The following ASB5 variants were observed in gnomAD, a reference collection of about 807,000 sequenced individuals.
ASB5 encodes the protein ankyrin repeat and SOCS box protein 5.
A neutral mutation model predicts 42.1 loss-of-function variants in ASB5; 45 were observed. The observed-to-expected ratio is 1.07, with a 90% confidence interval of 0.84 to 1.37. ASB5 has a LOEUF of 1.37. Among genes scored for constraint, ASB5 ranks in the 40% most tolerant of loss-of-function variants. The pLI, the probability that ASB5 is intolerant of heterozygous loss-of-function variation, is 0.00. For synonymous variants in ASB5, 147 were observed against 150.6 expected (o/e 0.98, Z 0.18); for missense variants, 402 against 399.8 (o/e 1.01, Z -0.05).
In ASB5 at chr4:176,215,726, A is replaced by G; in HGVS notation, c.864T>C (p.Ala288=). The change falls in exon 7 of 7, where the codon GCT becomes GCC. Residue 288 remains alanine (A), a splice_region_variant and synonymous_variant. Transcript: ENST00000296525. Reference sequence around the variant, plus strand: ...AAAGTTGGTAAAGAGAGCTTGGGGTAGCTACAAGAAGACATGAATCTATTT... The same window carrying G: ...AAAGTTGGTAAAGAGAGCTTGGGGTGGCTACAAGAAGACATGAATCTATTT... ...MVERILLQHE[A]TPSSLYQLCR... The G allele has an allele frequency of 6.2e-7, 1 of 1,607,462 alleles. No homozygotes were observed. The highest frequency in any genetic ancestry group is 8.5e-7 in the Non-Finnish European group (1 of 1,177,370).
upstream of ASB5, among the ~76,000 whole-genome samples, chr4:176,273,129 C>T (rs1367003939): frequency 6.6e-6 from 1 of 151,888 alleles, no homozygotes; most frequent in Non-Finnish European, 1.5e-5. Flanking sequence ...AAAAAAATGT[C>T]TGGTAGACAT....
intron 5 of ASB5, 130 bp downstream of exon 5, chr4:176,221,025 C>A (rs1264318590): frequency 1.6e-5 from 19 of 1,172,748 alleles, no homozygotes; most frequent in Non-Finnish European, 2.2e-5. Context: ...GTTCTCTATT[C>A]ATGTGTGAAA....
At chr4:176,215,790 T>C in intron 6 of ASB5, 63 bp from the exon 7 acceptor site, 3 of 1,480,142 alleles carry the variant, frequency 2.0e-6, no homozygotes, top group African/African-American at 1.4e-5. Flanking sequence ...TGTTGTAAGG[T>C]ACATAACATA....
chr4:176,276,205 C>A (rs1019233731), intron 1 of ASB5, among the ~76,000 whole-genome samples: 2 of 152,154 alleles, frequency 1.3e-5, no homozygotes, highest in Non-Finnish European at 2.9e-5. Context: ...ATGAAGCACT[C>A]ACTCGCCTGC....
intron 1 of ASB5, chr4:176,241,435 C>T (rs1170361175): frequency 2.7e-6 from 4 of 1,507,520 alleles, no homozygotes; most frequent in Non-Finnish European, 3.6e-6. Context: ...TAAATCATCA[C>T]AGAGAAATCC....
chr4:176,242,043 C>T (rs1046664998), intron 1 of ASB5, among the ~76,000 whole-genome samples: 1 of 152,182 alleles, frequency 6.6e-6, no homozygotes, highest in East Asian at 1.9e-4. Context: ...GCTTTACCTC[C>T]GCATGTTGCT....
chr4:176,276,733 G>A (rs1158438163), intron 1 of ASB5, among the ~76,000 whole-genome samples: 2 of 152,114 alleles, frequency 1.3e-5, no homozygotes, highest in South Asian at 2.1e-4. Context: ...AGATGTGATC[G>A]TGGCAATGAT....
upstream of ASB5, among the ~76,000 whole-genome samples, chr4:176,272,319 G>A (rs1044508191): frequency 2.6e-5 from 4 of 152,234 alleles, no homozygotes; most frequent in South Asian, 2.1e-4. Flanking sequence ...GGCAAAAATC[G>A]CAGTTATTTT....
At chr4:176,263,427 A>G (rs776611459) in intron 1 of ASB5, among the ~76,000 whole-genome samples, 12 of 152,176 alleles carry the variant, frequency 7.9e-5, no homozygotes, top group Non-Finnish European at 1.6e-4. Context: ...TTGCAGGATT[A>G]TAATGGTTTC....
intron 1 of ASB5, among the ~76,000 whole-genome samples, chr4:176,257,486 A>G (rs1356184278): frequency 1.3e-5 from 2 of 152,178 alleles, no homozygotes; most frequent in African/African-American, 4.8e-5. Flanking sequence ...TCCTGGTCAC[A>G]CTAGCCAAAC....
chr4:176,271,056 TG>T (rs1394226471), upstream of ASB5, among the ~76,000 whole-genome samples: 1 of 152,230 alleles, frequency 6.6e-6, no homozygotes, highest in Non-Finnish European at 1.5e-5. Context: ...TCACTAAGGC[TG>T]GAATCATCGG....
At chr4:176,252,427 C>T (rs1477885408) in intron 1 of ASB5, among the ~76,000 whole-genome samples, 4 of 152,210 alleles carry the variant, frequency 2.6e-5, no homozygotes, top group Non-Finnish European at 5.9e-5. Context: ...TTTGAGTCCC[C>T]TCACTTTCTC....
At chr4:176,232,186 G>T (rs928343190) in intron 1 of ASB5, among the ~76,000 whole-genome samples, 12 of 150,238 alleles carry the variant, frequency 8.0e-5, no homozygotes, top group Non-Finnish European at 1.6e-4. Flanking sequence ...GCAATGGTGC[G>T]ATCTCGGCTC....
intron 1 of ASB5, among the ~76,000 whole-genome samples, chr4:176,235,213 T>A (rs984610245): frequency 4.9e-4 from 74 of 152,300 alleles, no homozygotes; most frequent in African/African-American, 1.8e-3. Context: ...ATAATAATAG[T>A]ATATTTGAAA....
chr4:176,221,717 A>G, intron 3 of ASB5, 117 bp from the exon 4 acceptor site: 1 of 989,096 alleles, frequency 1.0e-6, no homozygotes, highest in Admixed American at 3.2e-5. Flanking sequence ...AAATGTGCAC[A>G]TTAAATATGA....
chr4:176,270,389 G>T (rs970810342), upstream of ASB5, among the ~76,000 whole-genome samples: 1 of 152,154 alleles, frequency 6.6e-6, no homozygotes, highest in Non-Finnish European at 1.5e-5. Context: ...CTCCCTCGGT[G>T]TATCCATTTT....
rs1422720302 is a variant in ASB5 at position 176,235,498 on chromosome 4, A to C, written c.197-10157T>G. Among the ~76,000 whole-genome samples, 3 of 152,300 alleles carry C rather than the reference A, an allele frequency of 2.0e-5. No homozygotes were observed. The East Asian group carries it at 5.8e-4, about 29-fold the overall frequency. On this transcript the variant is annotated intron_variant, in intron 1 of 6. Coordinates refer to ENST00000296525, the MANE Select transcript of ASB5 (RefSeq NM_080874.4). ...GTCATTGTTCTATGTGAAAAAATAT[A>C]GTTCTACCACAAGTGATTATGATAT...
At chr4:176,245,405 T>C (rs1252814692) in intron 1 of ASB5, among the ~76,000 whole-genome samples, 1 of 152,180 alleles carries the variant, frequency 6.6e-6, no homozygotes, top group Non-Finnish European at 1.5e-5. Flanking sequence ...CAACAGGTGC[T>C]GGAGAGGATG....
In ASB5 at chr4:176,215,605, G is replaced by C. The variant is rs534160855; in HGVS notation, c.985C>G (p.Arg329Gly). Residue 329 changes from arginine to glycine, a missense_variant, in exon 7 of 7, where the codon CGA (arginine) becomes GGA (glycine). Transcript: ENST00000296525. ...TTTAGAATTACTTTACTGTTTTATC[G>C]ATACTGTAAGAAATTCTTCAGTAAC... ...PTLLKNFLQY[R>G] 1 of 1,610,392 alleles carries C rather than the reference G, an allele frequency of 6.2e-7. No individual in the cohort carries two copies. Among genetic ancestry groups the C allele is most frequent in the East Asian group, 2.2e-5 (1 of 44,676 alleles).
Sources: allele counts gnomAD v4.1 joint callset (sites outside exome capture counted in the v4.1 genomes callset), GRCh38; gene constraint gnomAD v4.1.1; transcripts MANE v1.5; gene names NCBI Gene and HGNC (gene_info 2026-07-23, HGNC 2026-07-21).